The following PHTF2 variants were observed in gnomAD, a reference collection of about 807,000 sequenced individuals.
The protein encoded by PHTF2 is putative homeodomain transcription factor 2.
A neutral mutation model predicts 101.2 loss-of-function variants in PHTF2; 60 were observed. The observed-to-expected ratio is 0.59, with a 90% CI of 0.48 to 0.73. The LOEUF (loss-of-function observed/expected upper bound fraction) is 0.73, where lower values mean the gene tolerates loss of function less well. Ranked by LOEUF, PHTF2 falls within the 30% of genes least tolerant of loss-of-function variation. The probability of loss-of-function intolerance (pLI) is 0.00; values close to 1 mark genes in which losing one functional copy is unlikely to be tolerated. For synonymous variants in PHTF2, 311 were observed against 307.3 expected, an observed-to-expected ratio of 1.01 and a Z score of -0.13; for missense variants, 747 against 908.7, an observed-to-expected ratio of 0.82 and a Z score of 2.29.
intron 9 of PHTF2, among the ~76,000 whole-genome samples, chr7:77,912,376 A>T (rs1802474087): frequency 6.6e-6 from 1 of 152,214 alleles, no homozygotes; most frequent in South Asian, 2.1e-4. Flanking sequence ...TAGAAGTCCT[A>T]AGCTGAGTTC....
intron 1 of PHTF2, among the ~76,000 whole-genome samples, chr7:77,829,533 CTTA>C: frequency 6.6e-6 from 1 of 152,180 alleles, no homozygotes; most frequent in Admixed American, 6.5e-5. Flanking sequence ...TAAAATTGTT[CTTA>C]TAAGTTGTAA....
At chr7:77,946,909 C>CCCT (rs1365370886) in intron 16 of PHTF2, among the ~76,000 whole-genome samples, 1 of 151,518 alleles carries the variant, frequency 6.6e-6, no homozygotes, top group Non-Finnish European at 1.5e-5. Context: ...ATCCCTTGAG[C>CCCT]CCAGGAGTTC....
At chr7:77,803,688 CGTGTGTGTGTGTGT>C (rs34239792) in intron 1 of PHTF2, among the ~76,000 whole-genome samples, 1,772 of 140,958 alleles carry the variant, frequency 0.013, 12 homozygotes, top group Middle Eastern at 0.039. Flanking sequence ...GTTGAACAGG[CGTGTGTGTGTGTGT>C]GTGTGTGTGT....
At chr7:77,829,074 C>G (rs544450807) in intron 1 of PHTF2, among the ~76,000 whole-genome samples, 1 of 152,142 alleles carries the variant, frequency 6.6e-6, no homozygotes, top group Non-Finnish European at 1.5e-5. Flanking sequence ...CCCAGCTACT[C>G]GAGAGGCTGA....
chr7:77,955,042 A>G, exon 20 of PHTF2: 1 of 373,772 alleles, frequency 2.7e-6, no homozygotes, highest in Non-Finnish European at 5.0e-6. Context: ...TTACTGGTTC[A>G]CTTTTTTTTA....
At chr7:77,911,154 T>C (rs917932868) in intron 9 of PHTF2, among the ~76,000 whole-genome samples, 2 of 152,108 alleles carry the variant, frequency 1.3e-5, no homozygotes, top group Non-Finnish European at 2.9e-5. Flanking sequence ...TTTTGTACAA[T>C]GTACCATGAG....
At chr7:77,800,159 T>C (rs1319327596) in intron 1 of PHTF2, among the ~76,000 whole-genome samples, 2 of 152,202 alleles carry the variant, frequency 1.3e-5, no homozygotes, top group African/African-American at 2.4e-5. Context: ...CACTTTAGCC[T>C]AAAGAGTCAC....
At chr7:77,872,812 T>A (rs1798626930) in intron 3 of PHTF2, among the ~76,000 whole-genome samples, 1 of 152,156 alleles carries the variant, frequency 6.6e-6, no homozygotes, top group Non-Finnish European at 1.5e-5. Flanking sequence ...CATCCCAGTC[T>A]CCCTAAGCCT....
chr7:77,855,867 G>A (rs952446257), intron 3 of PHTF2, among the ~76,000 whole-genome samples: 11 of 152,168 alleles, frequency 7.2e-5, no homozygotes, highest in African/African-American at 2.7e-4. Context: ...TGTGGGAGGG[G>A]TGGTGTTGAC....
At chr7:77,949,504 G>A (rs994841353) in intron 16 of PHTF2, among the ~76,000 whole-genome samples, 174 bp from the exon 16 acceptor site, 3 of 151,924 alleles carry the variant, frequency 2.0e-5, no homozygotes, top group African/African-American at 7.3e-5. Context: ...GAGGCCCCAT[G>A]GATATTAATT....
At chr7:77,834,737 G>A (rs1409351389) in intron 1 of PHTF2, among the ~76,000 whole-genome samples, 1 of 152,174 alleles carries the variant, frequency 6.6e-6, no homozygotes, top group African/African-American at 2.4e-5. Flanking sequence ...CTTGGATCTA[G>A]AACCCAATTA....
chr7:77,875,289 C>T (rs935621284), intron 3 of PHTF2, among the ~76,000 whole-genome samples: 2 of 151,932 alleles, frequency 1.3e-5, no homozygotes, highest in East Asian at 1.9e-4. Context: ...ATAGATCTTC[C>T]ACCTCCCTGG....
rs1247686445 is a variant in PHTF2, at chr7:77,906,933, C to CT, written c.446-1859dup. Among the ~76,000 whole-genome samples the CT allele has an allele frequency of 1.1e-3, 43 of 40,070 alleles. 1 individual carries two copies. The highest frequency in any genetic ancestry group is 2.9e-3 in the African/African-American group (35 of 11,986). 26.3% of individuals were successfully genotyped at this position (40,070 alleles called of 152,430 possible). ...AAGAAAAATTAAGAGTTAATGGTAG[C>CT]TAAAAAAAAAAAAAAAAAAGCTACT... On this transcript the variant is annotated intron_variant, in intron 7 of 19. Coordinates refer to ENST00000416283, the Ensembl canonical transcript of PHTF2.
At chr7:77,927,225 A>ACACACACACAC (rs1562957675) in intron 11 of PHTF2, among the ~76,000 whole-genome samples, 1 of 121,416 alleles carries the variant, frequency 8.2e-6, no homozygotes, top group African/African-American at 2.7e-5. Flanking sequence ...CACACACACA[A>ACACACACACAC]ACACACACAT....
intron 5 of PHTF2, among the ~76,000 whole-genome samples, chr7:77,899,890 T>C (rs1386305421): frequency 6.6e-6 from 1 of 152,148 alleles, no homozygotes; most frequent in Non-Finnish European, 1.5e-5. Context: ...TTCTTTTTGT[T>C]TGTTTTCTCT....
chr7:77,858,664 T>C (rs1469750604), intron 3 of PHTF2, among the ~76,000 whole-genome samples: 1 of 151,900 alleles, frequency 6.6e-6, no homozygotes, highest in East Asian at 1.9e-4. Flanking sequence ...TTTTTTTTTT[T>C]TAAAGATAGG....
intron 17 of PHTF2, among the ~76,000 whole-genome samples, chr7:77,950,125 C>T (rs1806412336): frequency 6.6e-6 from 1 of 152,086 alleles, no homozygotes; most frequent in Admixed American, 6.5e-5. Flanking sequence ...TGCAGTGTAG[C>T]AGAGCCGCAT....
chr7:77,818,630 G>C (rs1794039269), intron 1 of PHTF2, among the ~76,000 whole-genome samples: 1 of 152,134 alleles, frequency 6.6e-6, no homozygotes, highest in Non-Finnish European at 1.5e-5. Flanking sequence ...CTGTTTTTAT[G>C]CCAGTACTAT....
chr7:77,867,464 G>T (rs1798159341), intron 3 of PHTF2, among the ~76,000 whole-genome samples: 2 of 152,208 alleles, frequency 1.3e-5, no homozygotes, highest in Non-Finnish European at 2.9e-5. Flanking sequence ...AGAGATAGCT[G>T]TAATACCTAC....
Sources: gnomAD v4.1 joint callset for allele counts (sites outside exome capture counted in the v4.1 genomes callset) on GRCh38, gnomAD v4.1.1 for gene constraint, MANE v1.5 for transcripts, NCBI Gene and HGNC (gene_info 2026-07-23, HGNC 2026-07-21) for gene names.